KIRREL3: variants seen among roughly 807,000 people sequenced by gnomAD.
KIRREL3 encodes the protein kin of IRRE-like protein 3.
In KIRREL3, 36 loss-of-function variants were observed where a neutral mutation model predicts 89.7. The ratio of observed to expected loss-of-function variants is 0.40; its 90% confidence interval spans 0.31 to 0.53. The LOEUF (loss-of-function observed/expected upper bound fraction) is 0.53. Among genes scored for constraint, KIRREL3 ranks in the 20% least tolerant of loss-of-function variants. The pLI, the probability that KIRREL3 is intolerant of heterozygous loss-of-function variation, is 0.49. For synonymous variants in KIRREL3, 445 were observed against 441.4 expected (o/e 1.01, Z -0.10); for missense variants, 864 against 1,056.6 (o/e 0.82, Z 2.53).
At position 126,570,573 on chromosome 11, in the gene KIRREL3, G is replaced by A. The variant is rs539369143; in HGVS notation, c.56-7661C>T. Among the ~76,000 whole-genome samples, 5 of 152,270 alleles carry A rather than the reference G, an allele frequency of 3.3e-5. No homozygotes were observed. The highest frequency in any genetic ancestry group is 2.1e-4 in the South Asian group (1 of 4,826). Reference sequence around the variant, plus strand: ...CCTCCCTCACACACCTGCTGATCACGTGCCGATCAGCACCTTACAGCTTGG... The same window carrying A: ...CCTCCCTCACACACCTGCTGATCACATGCCGATCAGCACCTTACAGCTTGG... On this transcript the variant is annotated intron_variant, in intron 1 of 16. Coordinates refer to ENST00000525144, the MANE Select transcript of KIRREL3 (RefSeq NM_032531.4). This position sits in a 1 kb window ranked among gnomAD's most constrained non-coding sequence, Gnocchi z 6.1.
intron 1 of KIRREL3, among the ~76,000 whole-genome samples, chr11:126,619,346 A>G (rs1337371402): frequency 6.6e-6 from 1 of 152,224 alleles, no homozygotes. Context: ...GGAGGAGATG[A>G]GCCCAGAGAG....
rs1295728060 is a variant in KIRREL3, at chr11:126,778,137, C to T, written c.56-215225G>A. ...TGACCTCCCCACCCAGAGATAAATA[C>T]ATTTAACATTTCAGTGGATATCCTA... On this transcript the variant is annotated intron_variant, in intron 1 of 16. Coordinates refer to ENST00000525144, the MANE Select transcript of KIRREL3 (RefSeq NM_032531.4). This position sits in a 1 kb window ranked among gnomAD's most constrained non-coding sequence, Gnocchi z 4.5. Among the ~76,000 whole-genome samples, 4 of 151,752 alleles carry T rather than the reference C, an allele frequency of 2.6e-5. No individual in the cohort carries two copies. Among genetic ancestry groups the T allele is most frequent in the Admixed American group, 6.6e-5 (1 of 15,246 alleles).
In KIRREL3 at chr11:126,668,049, G is replaced by A. The variant is rs1286933263; in HGVS notation, c.56-105137C>T. Among the ~76,000 whole-genome samples, 2 of 152,132 alleles carry A rather than the reference G, an allele frequency of 1.3e-5. No homozygotes were observed. The highest frequency in any genetic ancestry group is 4.2e-4 in the South Asian group (2 of 4,814). ...CTGAACAATTTCAGCCCCTCATAAG[G>A]GGTTGATAGCTGAGCCCCTGTGTCT... On this transcript the variant is annotated intron_variant, in intron 1 of 16. Coordinates refer to ENST00000525144, the MANE Select transcript of KIRREL3 (RefSeq NM_032531.4). The surrounding 1 kb of genome is among the most constrained non-coding windows in gnomAD (Gnocchi z 4.4).
intron 1 of KIRREL3, among the ~76,000 whole-genome samples, chr11:126,618,173 C>T (rs1202449032): frequency 2.6e-5 from 4 of 152,224 alleles, no homozygotes; most frequent in South Asian, 2.1e-4. Flanking sequence ...GCTTCTCCTA[C>T]AACTTCTGCC....
chr11:126,521,062 G>A lies in KIRREL3; in HGVS notation c.433+253C>T, dbSNP rs1958570266. Among the ~76,000 whole-genome samples, 1 of 152,214 alleles carries A rather than the reference G, an allele frequency of 6.6e-6. No homozygotes were observed. Among genetic ancestry groups the A allele is most frequent in the South Asian group, 2.1e-4 (1 of 4,822 alleles). ...TAGGAGCCCTCATTAGCTGCCTAAG[G>A]CACCATCAAACACGCCGGGGTTGGA... On this transcript the variant is annotated intron_variant, in intron 4 of 16. Transcript: ENST00000525144. This position sits in a 1 kb window ranked among gnomAD's most constrained non-coding sequence, Gnocchi z 4.1.
intron 2 of KIRREL3, among the ~76,000 whole-genome samples, chr11:126,545,279 G>A (rs1354198194): frequency 1.3e-5 from 2 of 152,114 alleles, no homozygotes; most frequent in East Asian, 1.9e-4. Context: ...TGTGGTGGAC[G>A]GGAGTGAGCC....
chr11:126,805,658 A>G lies in KIRREL3; in HGVS notation c.55+194797T>C, dbSNP rs1470289523. Among the ~76,000 whole-genome samples, 1 of 152,254 alleles carries G rather than the reference A, an allele frequency of 6.6e-6. No homozygotes were observed. Among genetic ancestry groups the G allele is most frequent in the Non-Finnish European group, 1.5e-5 (1 of 68,048 alleles). ...CAGGGTGATTGCTAAACTCCACAGT[A>G]CAAAGTATGTAATAGATATTACGTT... On this transcript the variant is annotated intron_variant, in intron 1 of 16. Transcript: ENST00000525144. This position sits in a 1 kb window ranked among gnomAD's most constrained non-coding sequence, Gnocchi z 4.3.
intron 1 of KIRREL3, among the ~76,000 whole-genome samples, chr11:126,874,130 C>A (rs1945196817): frequency 6.6e-6 from 1 of 152,202 alleles, no homozygotes; most frequent in African/African-American, 2.4e-5. Flanking sequence ...ATTTGCCAAG[C>A]CTTCATTGCT....
intron 1 of KIRREL3, among the ~76,000 whole-genome samples, chr11:126,621,575 A>C (rs992022088): frequency 2.0e-5 from 3 of 152,100 alleles, no homozygotes; most frequent in African/African-American, 7.2e-5. Context: ...AAATGATACT[A>C]CTCTTAGATA....
rs75889332 is a variant in KIRREL3, at chr11:126,783,657, T to C, written c.55+216798A>G. ...TGATGTAAATAGATGACTGAAGGAA[T>C]AAATACAGAAATAAATAAATGGAGG... On this transcript the variant is annotated intron_variant, in intron 1 of 16. Transcript: ENST00000525144. This position sits in a 1 kb window ranked among gnomAD's most constrained non-coding sequence, Gnocchi z 4.3. 0.036 allele frequency among the ~76,000 whole-genome samples: 5,516 copies of C among 152,246 alleles called. 316 individuals carry two copies. The highest frequency in any genetic ancestry group is 0.12 in the African/African-American group (5,082 of 41,532).
At chr11:126,833,219 T>G (rs2134495229) in intron 1 of KIRREL3, among the ~76,000 whole-genome samples, 1 of 152,334 alleles carries the variant, frequency 6.6e-6, no homozygotes, top group African/African-American at 2.4e-5. Context: ...GGGGACCCAG[T>G]TTTCCCTGTC....
chr11:126,788,102 G>A lies in KIRREL3; in HGVS notation c.55+212353C>T, dbSNP rs1276326857. The stretch of plus-strand genomic sequence containing the variant: ...CTCTGGAGCCCATACTCTTAGCCAC[G>A]ACAATATTCCGCCTCCCATAGCATC... On this transcript the variant is annotated intron_variant, in intron 1 of 16. Transcript: ENST00000525144. This position sits in a 1 kb window ranked among gnomAD's most constrained non-coding sequence, Gnocchi z 4.1. 2.0e-5 allele frequency among the ~76,000 whole-genome samples: 3 copies of A among 152,148 alleles called. No homozygotes were observed. The highest frequency in any genetic ancestry group is 2.9e-5 in the Non-Finnish European group (2 of 68,034).
chr11:126,853,488 T>C (rs1478854706), intron 1 of KIRREL3, among the ~76,000 whole-genome samples: 1 of 152,224 alleles, frequency 6.6e-6, no homozygotes, highest in African/African-American at 2.4e-5. Flanking sequence ...TCAGTTTTAA[T>C]ATGCTTTTCA....
chr11:126,842,152 G>A (rs1221302096), intron 1 of KIRREL3, among the ~76,000 whole-genome samples: 1 of 152,096 alleles, frequency 6.6e-6, no homozygotes, highest in Non-Finnish European at 1.5e-5. Flanking sequence ...CTGCCTGTGA[G>A]TGGTTGCTGT....
rs1950084314 is a variant in KIRREL3 at position 126,993,148 on chromosome 11, T to G, written c.55+7307A>C. 6.6e-6 allele frequency among the ~76,000 whole-genome samples: 1 copy of G among 152,186 alleles called. No homozygotes were observed. Among genetic ancestry groups the G allele is most frequent in the Admixed American group, 6.5e-5 (1 of 15,280 alleles). On this transcript the variant is annotated intron_variant, in intron 1 of 16. Transcript: ENST00000525144. The surrounding 1 kb of genome is among the most constrained non-coding windows in gnomAD (Gnocchi z 6.1). ...CCAAGAAGTAAAAATAACATGTTGA[T>G]CCCTAAACCCGTGATGTAGAGAGGA...
intron 1 of KIRREL3, among the ~76,000 whole-genome samples, chr11:126,910,623 C>A (rs557023060): frequency 3.3e-5 from 5 of 152,190 alleles, no homozygotes; most frequent in Non-Finnish European, 7.3e-5. Context: ...ATAGTGTATA[C>A]GCATCATATG....
chr11:126,709,764 A>C lies in KIRREL3; in HGVS notation c.56-146852T>G, dbSNP rs901155962. Among the ~76,000 whole-genome samples, 3 of 152,170 alleles carry C rather than the reference A, an allele frequency of 2.0e-5. No individual in the cohort carries two copies. The highest frequency in any genetic ancestry group is 7.2e-5 in the African/African-American group (3 of 41,434). ...CTCCTGCCTGCAGAATTGTGAGAAAATAAGTTTCTGTTGTTTAAGCCACAA... is the reference window on the plus strand; with the variant it reads ...CTCCTGCCTGCAGAATTGTGAGAAACTAAGTTTCTGTTGTTTAAGCCACAA... On this transcript the variant is annotated intron_variant, in intron 1 of 16. Coordinates refer to ENST00000525144, the MANE Select transcript of KIRREL3 (RefSeq NM_032531.4). The surrounding 1 kb of genome is among the most constrained non-coding windows in gnomAD (Gnocchi z 4.0).
At chr11:126,502,425 T>G (rs1342148346) in intron 4 of KIRREL3, among the ~76,000 whole-genome samples, 1 of 152,184 alleles carries the variant, frequency 6.6e-6, no homozygotes, top group Non-Finnish European at 1.5e-5. Context: ...AAGCTGTCCC[T>G]TCTGGGCAGG....
intron 1 of KIRREL3, among the ~76,000 whole-genome samples, chr11:126,588,503 C>A (rs1226321077): frequency 6.6e-6 from 1 of 152,030 alleles, no homozygotes; most frequent in South Asian, 2.1e-4. Context: ...TGGAGCCTTG[C>A]TGCGGGCCCT....
Sources: gnomAD v4.1 joint callset for allele counts (sites outside exome capture counted in the v4.1 genomes callset) on GRCh38, gnomAD v4.1.1 for gene constraint, Gnocchi (gnomAD v3.1) non-coding constraint, MANE v1.5 for transcripts, NCBI Gene and HGNC (gene_info 2026-07-23, HGNC 2026-07-21) for gene names.